Variants in STX8 observed in about 807,000 individuals in gnomAD.
STX8 encodes syntaxin-8.
Under a neutral mutation model 37.5 loss-of-function variants are expected in STX8, and 23 were observed. The observed-to-expected ratio is 0.61, with a 90% confidence interval of 0.44 to 0.87. The LOEUF is 0.87. Ranked by LOEUF, STX8 falls within the 40% of genes least tolerant of loss-of-function variation. The probability of loss-of-function intolerance (pLI) is 0.00; values close to 1 mark genes in which losing one functional copy is unlikely to be tolerated. For synonymous variants in STX8, 115 were observed against 99.1 expected (o/e 1.16, Z -0.95); for missense variants, 313 against 284.7 (o/e 1.10, Z -0.71).
intron 6 of STX8, among the ~76,000 whole-genome samples, chr17:9,390,793 C>T (rs143839687): frequency 0.013 from 1,800 of 143,552 alleles, 45 homozygotes; most frequent in African/African-American, 0.043. Context: ...GCCGAGATCG[C>T]GCCATTGCAC....
chr17:9,420,384 T>G (rs759182133), intron 6 of STX8, among the ~76,000 whole-genome samples: 2 of 152,146 alleles, frequency 1.3e-5, no homozygotes, highest in Non-Finnish European at 1.5e-5. Context: ...CCAAGTTAGC[T>G]CTCTTCCTTC....
At chr17:9,391,470 T>C (rs939976363) in intron 6 of STX8, among the ~76,000 whole-genome samples, 1 of 151,868 alleles carries the variant, frequency 6.6e-6, no homozygotes, top group African/African-American at 2.4e-5. Context: ...TTAAAAATAT[T>C]AAATAATAAT....
intron 7 of STX8, among the ~76,000 whole-genome samples, chr17:9,296,525 G>GTGTAAA (rs1261581451): frequency 6.8e-6 from 1 of 147,518 alleles, no homozygotes; most frequent in African/African-American, 2.5e-5. Context: ...ATGTATATTA[G>GTGTAAA]TGTAAATGTA....
At chr17:9,556,750 A>AATATATATATATATAT (rs575240217) in intron 3 of STX8, 1 of 99,572 alleles carries the variant, frequency 1.0e-5, no homozygotes, top group African/African-American at 4.3e-5. Flanking sequence ...GAATTTCTAA[A>AATATATATATATATAT]ATATATATAT....
intron 7 of STX8, among the ~76,000 whole-genome samples, chr17:9,373,035 C>A (rs143946250): frequency 6.7e-6 from 1 of 148,576 alleles, no homozygotes. Flanking sequence ...ACCTGGGAGA[C>A]GGAGGTTGCA....
chr17:9,556,181 G>A (rs966602997), intron 3 of STX8, among the ~76,000 whole-genome samples: 5 of 152,196 alleles, frequency 3.3e-5, no homozygotes, highest in Admixed American at 6.5e-5. Context: ...GTTACAATGG[G>A]GGAAAATATT....
At chr17:9,419,947 T>C (rs1365380111) in intron 6 of STX8, among the ~76,000 whole-genome samples, 1 of 152,244 alleles carries the variant, frequency 6.6e-6, no homozygotes, top group Non-Finnish European at 1.5e-5. Context: ...GTTACCCTCA[T>C]TGTTCATTTG....
chr17:9,465,038 C>A (rs896615584), intron 6 of STX8, among the ~76,000 whole-genome samples: 3 of 152,050 alleles, frequency 2.0e-5, no homozygotes, highest in African/African-American at 4.8e-5. Context: ...CTTATACACA[C>A]ACTTTGGGTC....
At chr17:9,434,858 G>A (rs1472868297) in intron 6 of STX8, among the ~76,000 whole-genome samples, 1 of 152,124 alleles carries the variant, frequency 6.6e-6, no homozygotes, top group African/African-American at 2.4e-5. Context: ...AAAAGGGGTG[G>A]GGCATTTCTA....
chr17:9,431,459 TTTG>T (rs1913978719), intron 6 of STX8, among the ~76,000 whole-genome samples: 2 of 150,488 alleles, frequency 1.3e-5, no homozygotes, highest in East Asian at 3.9e-4. Context: ...TTTTGTTTTT[TTTG>T]TTTTTTTGTT....
intron 2 of STX8, among the ~76,000 whole-genome samples, chr17:9,566,843 T>C (rs1426058671): frequency 2.0e-5 from 3 of 152,024 alleles, no homozygotes; most frequent in Non-Finnish European, 4.4e-5. Context: ...TGCAGCACTA[T>C]TCACAATAAC....
At chr17:9,568,585 C>G in intron 1 of STX8, 115 bp from the exon 2 acceptor site, 1 of 772,218 alleles carries the variant, frequency 1.3e-6, no homozygotes, top group Admixed American at 2.7e-5. Flanking sequence ...ACTGCAAGCT[C>G]TGCCTCCTGG....
At chr17:9,406,913 C>G (rs1912821311) in intron 6 of STX8, among the ~76,000 whole-genome samples, 1 of 152,152 alleles carries the variant, frequency 6.6e-6, no homozygotes, top group Non-Finnish European at 1.5e-5. Flanking sequence ...ATCATAAGCA[C>G]TGGTTCTGAG....
chr17:9,445,837 T>TC (rs1050654675), intron 6 of STX8, among the ~76,000 whole-genome samples: 1 of 138,162 alleles, frequency 7.2e-6, no homozygotes, highest in African/African-American at 2.8e-5. Flanking sequence ...TTTCTTTTTT[T>TC]CTCTTTTTTT....
chr17:9,253,207 G>GGGGTGT (rs750265739), intron 7 of STX8, among the ~76,000 whole-genome samples: 8 of 140,940 alleles, frequency 5.7e-5, no homozygotes, highest in Admixed American at 1.4e-4. Flanking sequence ...CAGGGGTAGG[G>GGGGTGT]GTGTGTGTGT....
intron 5 of STX8, among the ~76,000 whole-genome samples, chr17:9,501,167 T>C (rs1904595870): frequency 6.6e-6 from 1 of 152,020 alleles, no homozygotes; most frequent in African/African-American, 2.4e-5. Flanking sequence ...TTCAATGTAA[T>C]CCCAATCAAA....
chr17:9,546,427 A>G (rs372019940), intron 3 of STX8, among the ~76,000 whole-genome samples: 26 of 150,916 alleles, frequency 1.7e-4, no homozygotes, highest in African/African-American at 6.3e-4. Context: ...TGGGAAATGT[A>G]GTCTTTGGAA....
chr17:9,528,846 T>C (rs1251179065), intron 4 of STX8, among the ~76,000 whole-genome samples: 1 of 150,452 alleles, frequency 6.6e-6, no homozygotes, highest in East Asian at 1.9e-4. Context: ...AATCAAGAAA[T>C]GCCAAAATCA....
intron 7 of STX8, among the ~76,000 whole-genome samples, chr17:9,321,927 G>A (rs570966656): frequency 1.3e-5 from 2 of 152,350 alleles, no homozygotes; most frequent in Admixed American, 6.5e-5. Context: ...AAGAGATGGG[G>A]CAGGGGCCAG....
Sources: gnomAD v4.1 joint callset for allele counts (sites outside exome capture counted in the v4.1 genomes callset) on GRCh38, gnomAD v4.1.1 for gene constraint, MANE v1.5 for transcripts, NCBI Gene and HGNC (gene_info 2026-07-23, HGNC 2026-07-21) for gene names.